Variants in NEK6 observed in about 807,000 individuals in gnomAD.
The protein encoded by NEK6 is serine/threonine-protein kinase Nek6.
Under a neutral mutation model 43.5 loss-of-function variants are expected in NEK6, and 27 were observed. The observed-to-expected ratio is 0.62, with a 90% CI of 0.46 to 0.86. The LOEUF (loss-of-function observed/expected upper bound fraction) is 0.86, where lower values mean the gene tolerates loss of function less well. Among genes scored for constraint, NEK6 ranks in the 40% least tolerant of loss-of-function variants. The pLI is 0.00. For missense variants in NEK6, 318 were observed against 414.4 expected (o/e 0.77, Z 2.02); for synonymous variants, 167 against 164.1 (o/e 1.02, Z -0.14).
At chr9:124,296,919 A>G (rs1383507867) in intron 1 of NEK6, among the ~76,000 whole-genome samples, 1 of 152,208 alleles carries the variant, frequency 6.6e-6, no homozygotes, top group African/African-American at 2.4e-5. Flanking sequence ...CCATTACAGC[A>G]GCCGATCCCT....
At chr9:124,265,116 C>T (rs867524591) in intron 1 of NEK6, among the ~76,000 whole-genome samples, 9 of 152,096 alleles carry the variant, frequency 5.9e-5, no homozygotes, top group Admixed American at 1.3e-4. Flanking sequence ...ATTGGGGTGA[C>T]GCAGACGTTT....
intron 2 of NEK6, among the ~76,000 whole-genome samples, chr9:124,306,253 T>C (rs1258527125): frequency 6.6e-6 from 1 of 152,144 alleles, no homozygotes; most frequent in Non-Finnish European, 1.5e-5. Flanking sequence ...TCGCCCTTTA[T>C]GTCTCTGCTT....
intron 1 of NEK6, among the ~76,000 whole-genome samples, chr9:124,271,777 G>A (rs1312787586): frequency 2.0e-5 from 3 of 152,390 alleles, no homozygotes; most frequent in Admixed American, 6.5e-5. Context: ...AGACCTCAGC[G>A]CTGCTGCCTG....
chr9:124,310,337 C>T (rs1357950338), intron 2 of NEK6, among the ~76,000 whole-genome samples: 3 of 152,234 alleles, frequency 2.0e-5, no homozygotes, highest in Non-Finnish European at 2.9e-5. Flanking sequence ...GATGCCTGCT[C>T]TTCTTAGGTG....
At chr9:124,300,148 A>G (rs1161315393) in intron 1 of NEK6, 2 of 152,186 alleles carry the variant, frequency 1.3e-5, no homozygotes, top group African/African-American at 4.8e-5. Flanking sequence ...TGGGAGGCCA[A>G]GCTCAGCGGG....
chr9:124,279,572 G>T (rs1279629012), intron 1 of NEK6, among the ~76,000 whole-genome samples: 1 of 152,156 alleles, frequency 6.6e-6, no homozygotes, highest in African/African-American at 2.4e-5. Flanking sequence ...CAAAGTGCTG[G>T]GATTACATGC....
At chr9:124,292,108 C>G (rs1832448887) in intron 1 of NEK6, 1 of 1,078,386 alleles carries the variant, frequency 9.3e-7, no homozygotes. Context: ...CTTTCTCTGC[C>G]TCCTGCTGTG....
In NEK6 at chr9:124,343,656, G is replaced by A. The variant is rs1426261830; in HGVS notation, c.717+3991G>A. 2.0e-5 allele frequency among the ~76,000 whole-genome samples: 3 copies of A among 152,128 alleles called. No individual in the cohort carries two copies. The highest frequency in any genetic ancestry group is 2.1e-4 in the South Asian group (1 of 4,806). On this transcript the variant is annotated intron_variant, in intron 8 of 9. Coordinates refer to ENST00000320246, the MANE Select transcript of NEK6 (RefSeq NM_014397.6). This position sits in a 1 kb window ranked among gnomAD's most constrained non-coding sequence, Gnocchi z 5.1. ...AAAGAGGCCTCCCGCAGTCACGCCC[G>A]GAGCCTCCCGCCCCACAGCCTGTGG...
chr9:124,339,914 GA>G (rs58296229), intron 8 of NEK6, among the ~76,000 whole-genome samples: 1 of 1,376 alleles, frequency 7.3e-4, no homozygotes, highest in African/African-American at 7.9e-4. Context: ...AGGGAAGACA[GA>G]GGGAGCACAG....
intron 1 of NEK6, chr9:124,258,443 C>A (rs1486806598): frequency 1.4e-6 from 1 of 719,652 alleles, no homozygotes; most frequent in Non-Finnish European, 1.7e-6. Context: ...GTGTGCCGGG[C>A]GCCGCAGGGA....
intron 4 of NEK6, among the ~76,000 whole-genome samples, chr9:124,314,230 C>T (rs575906452): frequency 6.4e-4 from 98 of 152,196 alleles, no homozygotes; most frequent in African/African-American, 2.2e-3. Context: ...CCTTGCTGCA[C>T]GCCCCTCCTG....
chr9:124,351,323 G>A lies in NEK6; in HGVS notation c.*376G>A, dbSNP rs142713923. The A allele has an allele frequency of 1.7e-4, 34 of 204,772 alleles. No individual in the cohort carries two copies. Among genetic ancestry groups the A allele is most frequent in the Middle Eastern group, 1.8e-3 (1 of 568 alleles). The allele number at this position is 204,772 out of a possible 1,614,324, so 12.7% of individuals were successfully genotyped here. ...GCTAACAGGAGACTTGCAGGAGACC[G>A]TGTGATTTGTGTAGTGAGCCTTTGA... On this transcript the variant is annotated 3_prime_UTR_variant, in exon 10 of 10. Coordinates refer to ENST00000320246, the MANE Select transcript of NEK6 (RefSeq NM_014397.6).
chr9:124,313,794 G>A, intron 3 of NEK6, 129 bp from the exon 4 acceptor site: 1 of 789,862 alleles, frequency 1.3e-6, no homozygotes, highest in East Asian at 2.9e-5. Context: ...TGGGAGTGCA[G>A]GGGGGGGTCA....
At chr9:124,272,618 C>T (rs1192605782) in intron 1 of NEK6, among the ~76,000 whole-genome samples, 1 of 152,232 alleles carries the variant, frequency 6.6e-6, no homozygotes, top group African/African-American at 2.4e-5. Flanking sequence ...TTTGAGAAAT[C>T]AGTTTTTCCA....
chr9:124,293,093 G>A (rs1832505008), intron 1 of NEK6: 1 of 1,360,520 alleles, frequency 7.4e-7, no homozygotes, highest in Non-Finnish European at 9.5e-7. Context: ...CTCCTAGAGT[G>A]AGACCGCAGC....
Position 124,326,245 on chromosome 9 carries a change from A to G in NEK6, c.406-85A>G. The G allele has an allele frequency of 2.3e-5, 8 of 344,786 alleles. No individual in the cohort carries two copies. The highest frequency in any genetic ancestry group is 1.2e-4 in the East Asian group (2 of 16,078). 21.4% of individuals were successfully genotyped at this position (344,786 alleles called of 1,614,324 possible). A position where few individuals can be genotyped will look rare whatever the true frequency, so the allele number is the denominator to read the frequency against. The stretch of plus-strand genomic sequence containing the variant: ...GCCAGGCACCAGTTACCCACTGGGG[A>G]AAGGACAGAGGCAGTGCCCTGTGGC... On this transcript the variant is annotated intron_variant, in intron 5 of 9. Transcript: ENST00000320246. This position sits in a 1 kb window ranked among gnomAD's most constrained non-coding sequence, Gnocchi z 4.5.
At chr9:124,339,218 G>A (rs1053248154) in intron 7 of NEK6, among the ~76,000 whole-genome samples, 3 of 151,864 alleles carry the variant, frequency 2.0e-5, no homozygotes, top group South Asian at 2.1e-4. Context: ...TAGTAGAGGC[G>A]GGGTTTTGCC....
intron 4 of NEK6, among the ~76,000 whole-genome samples, chr9:124,319,011 A>C (rs573349201): frequency 7.0e-6 from 1 of 143,532 alleles, no homozygotes; most frequent in South Asian, 2.2e-4. Context: ...TATTTTTAGA[A>C]TCTCACTCTG....
At chr9:124,346,739 T>A (rs1829947737) in intron 8 of NEK6, among the ~76,000 whole-genome samples, 1 of 151,544 alleles carries the variant, frequency 6.6e-6, no homozygotes, top group Non-Finnish European at 1.5e-5. Context: ...CCTTGAGGAG[T>A]CCCCTGTGAG....
Sources: allele counts gnomAD v4.1 joint callset (sites outside exome capture counted in the v4.1 genomes callset), GRCh38; gene constraint gnomAD v4.1.1; non-coding constraint Gnocchi (gnomAD v3.1); transcripts MANE v1.5; gene names NCBI Gene and HGNC (gene_info 2026-07-23, HGNC 2026-07-21).